GPLD1: variants seen among roughly 807,000 people sequenced by gnomAD.
GPLD1 encodes the protein phosphatidylinositol-glycan-specific phospholipase D.
GPLD1 carries 84 observed loss-of-function variants against 112.6 expected under a neutral mutation model. The observed-to-expected ratio is 0.75, with a 90% CI of 0.63 to 0.89. The LOEUF is 0.89. Ranked by LOEUF, GPLD1 falls within the 40% of genes least tolerant of loss-of-function variation. The pLI, the probability that GPLD1 is intolerant of heterozygous loss-of-function variation, is 0.00. For synonymous variants in GPLD1, 386 were observed against 403.8 expected, an observed-to-expected ratio of 0.96 and a Z score of 0.53; for missense variants, 1,044 against 1,051.5, an observed-to-expected ratio of 0.99 and a Z score of 0.10.
At chr6:24,472,960 G>T (rs1176695766) in intron 6 of GPLD1, 5 of 214,974 alleles carry the variant, frequency 2.3e-5, no homozygotes, top group Non-Finnish European at 4.7e-5. Flanking sequence ...ATTTTTAGTA[G>T]AGGTGGGGTT....
At chr6:24,465,454 C>T (rs1430107474) in intron 10 of GPLD1, among the ~76,000 whole-genome samples, 1 of 149,570 alleles carries the variant, frequency 6.7e-6, no homozygotes, top group African/African-American at 2.5e-5. Flanking sequence ...GCACAAGAAT[C>T]ACTTGAGCCC....
intron 10 of GPLD1, among the ~76,000 whole-genome samples, chr6:24,464,469 G>C (rs1049759780): frequency 9.9e-5 from 15 of 152,134 alleles, no homozygotes; most frequent in African/African-American, 3.1e-4. Flanking sequence ...TGCTATCCCT[G>C]CCAAATTGTT....
chr6:24,430,088 C>T (rs904783402), intron 24 of GPLD1, among the ~76,000 whole-genome samples: 2 of 152,208 alleles, frequency 1.3e-5, no homozygotes, highest in Non-Finnish European at 2.9e-5. Flanking sequence ...GGGTCAGACA[C>T]TATGCTTAGC....
In GPLD1 at chr6:24,489,456, T is replaced by A; in HGVS notation, c.56A>T (p.His19Leu). The change falls in exon 1 of 25, where the codon CAT becomes CTT. Residue 19 changes from histidine to leucine, a missense_variant. Coordinates refer to ENST00000230036, the MANE Select transcript of GPLD1 (RefSeq NM_001503.4). ...TGAAAGGCCACACGGTGAACCTCTA[T>A]GGCAGAGAGAACCCAACATGATCAG... is the stretch of plus-strand genomic sequence containing the variant. ...GLLIMLGSLC[H>L]RGSPCGLSTH... The A allele has an allele frequency of 6.2e-7, 1 of 1,613,994 alleles. No individual in the cohort carries two copies. Among genetic ancestry groups the A allele is most frequent in the Non-Finnish European group, 8.5e-7 (1 of 1,179,878 alleles).
chr6:24,456,472 C>A, intron 13 of GPLD1, 26 bp downstream of exon 13: 1 of 1,460,470 alleles, frequency 6.8e-7, no homozygotes, highest in Non-Finnish European at 9.4e-7. Context: ...AGAAAACATT[C>A]ACAAGTTAGA....
rs757355029 is a variant in GPLD1, at chr6:24,428,262, G to A, written c.*770C>T. On this transcript the variant is annotated 3_prime_UTR_variant, in exon 25 of 25. Transcript: ENST00000230036. ...AACTTTTTTTTAACTTTTAAGTTCA[G>A]GGGTACATGCGCAGGAAGTGCTGGT... is the stretch of plus-strand genomic sequence containing the variant. The A allele has an allele frequency of 4.8e-4, 73 of 151,334 alleles. No homozygotes were observed. The highest frequency in any genetic ancestry group is 1.9e-3 in the Admixed American group (29 of 15,170). The allele number at this position is 151,334 out of a possible 1,614,324, so 9.4% of individuals were successfully genotyped here.
At chr6:24,494,406 A>G (rs1258509252), upstream of GPLD1, among the ~76,000 whole-genome samples, 2 of 152,252 alleles carry the variant, frequency 1.3e-5, no homozygotes, top group African/African-American at 4.8e-5. Flanking sequence ...ATGCCTAGAC[A>G]CACACCCAAA....
At position 24,439,093 on chromosome 6, in the gene GPLD1, T is replaced by C. The variant is rs374517455; in HGVS notation, c.2021-1804A>G. On this transcript the variant is annotated intron_variant, in intron 20 of 24. Coordinates refer to ENST00000230036, the MANE Select transcript of GPLD1 (RefSeq NM_001503.4). ...CCACCAAGCCCAGCCACATTCCCTT[T>C]CTTTTCGTGCCTCCTAAAGGAACCA... Among the ~76,000 whole-genome samples the C allele has an allele frequency of 2.0e-4, 31 of 152,302 alleles. 2 individuals carry two copies. The highest frequency in any genetic ancestry group is 7.0e-4 in the African/African-American group (29 of 41,572).
chr6:24,442,079 T>C (rs548918450), intron 20 of GPLD1, among the ~76,000 whole-genome samples: 199 of 149,566 alleles, frequency 1.3e-3, no homozygotes, highest in Admixed American at 3.4e-3. Context: ...TAAATTAGCA[T>C]ATTATATACA....
chr6:24,442,962 C>T (rs890954546), intron 20 of GPLD1, among the ~76,000 whole-genome samples: 2 of 152,148 alleles, frequency 1.3e-5, no homozygotes, highest in Non-Finnish European at 2.9e-5. Flanking sequence ...GTTTGAGAAA[C>T]TCTAATTCAC....
At chr6:24,473,872 C>G (rs912277644) in intron 5 of GPLD1, among the ~76,000 whole-genome samples, 3 of 152,146 alleles carry the variant, frequency 2.0e-5, no homozygotes, top group Admixed American at 6.5e-5. Context: ...CGCCTGTAAT[C>G]CCAGCACTTT....
rs1205387393 is a variant in GPLD1, at chr6:24,486,147, C to T, written c.98-17G>A. Reference sequence around the variant, plus strand: ...CTCTGTGTCCTGAGAGAAATAAATACATAAATCAATTAAGTTCAACTATTA... The same window carrying T: ...CTCTGTGTCCTGAGAGAAATAAATATATAAATCAATTAAGTTCAACTATTA... On this transcript the variant is annotated splice_polypyrimidine_tract_variant and intron_variant, in intron 1 of 24. Coordinates refer to ENST00000230036, the MANE Select transcript of GPLD1 (RefSeq NM_001503.4). 1 of 1,473,152 alleles carries T rather than the reference C, an allele frequency of 6.8e-7. No individual in the cohort carries two copies. The highest frequency in any genetic ancestry group is 9.4e-7 in the Non-Finnish European group (1 of 1,061,022). The allele number at this position is 1,473,152 out of a possible 1,614,324, so 91.3% of individuals were successfully genotyped here.
At chr6:24,494,866 C>A in intron 1 of GPLD1, 1 of 1,080,278 alleles carries the variant, frequency 9.3e-7, no homozygotes, top group Non-Finnish European at 1.2e-6. Flanking sequence ...GCTCTGCAAC[C>A]TTCCGCCAGC....
At position 24,450,886 on chromosome 6, in the gene GPLD1, C is replaced by T. The variant is rs903865284; in HGVS notation, c.1336-987G>A. Among the ~76,000 whole-genome samples the T allele has an allele frequency of 4.6e-5, 7 of 151,990 alleles. No homozygotes were observed. In the East Asian group the frequency reaches 7.7e-4, roughly 17 times the overall value. ...ACTCAGGAGGCTGAGGCAGGAGAATCGCTTGAACCTGGGAGGCAGAGGTTG... is the reference window on the plus strand; with the variant it reads ...ACTCAGGAGGCTGAGGCAGGAGAATTGCTTGAACCTGGGAGGCAGAGGTTG... On this transcript the variant is annotated intron_variant, in intron 14 of 24. Transcript: ENST00000230036.
chr6:24,435,205 G>A (rs1041356126), intron 22 of GPLD1, among the ~76,000 whole-genome samples: 2 of 150,484 alleles, frequency 1.3e-5, no homozygotes, highest in Non-Finnish European at 3.0e-5. Context: ...TAGGGACAGG[G>A]TTTCACAGTG....
chr6:24,444,331 G>A (rs1043983310), intron 20 of GPLD1, among the ~76,000 whole-genome samples: 4 of 151,232 alleles, frequency 2.6e-5, no homozygotes, highest in Non-Finnish European at 5.9e-5. Flanking sequence ...TAAGATATAA[G>A]TAAAAAAATT....
intron 18 of GPLD1, among the ~76,000 whole-genome samples, chr6:24,446,425 G>A (rs1048478337): frequency 3.3e-5 from 5 of 151,972 alleles, no homozygotes; most frequent in East Asian, 1.9e-4. Context: ...GCAGGAGGAC[G>A]AGTTCGAGCC....
intron 24 of GPLD1, among the ~76,000 whole-genome samples, chr6:24,429,902 G>C (rs1384501686): frequency 6.6e-6 from 1 of 152,192 alleles, no homozygotes; most frequent in African/African-American, 2.4e-5. Context: ...GATTTGATTT[G>C]TGGAAACTGA....
intron 10 of GPLD1, among the ~76,000 whole-genome samples, chr6:24,463,681 C>CT (rs1248913171): frequency 6.6e-6 from 1 of 152,098 alleles, no homozygotes; most frequent in Admixed American, 6.6e-5. Context: ...TACTTCATTG[C>CT]TTTTTTAAGG....
Sources: gnomAD v4.1 joint callset for allele counts (sites outside exome capture counted in the v4.1 genomes callset) on GRCh38, gnomAD v4.1.1 for gene constraint, MANE v1.5 for transcripts, NCBI Gene and HGNC (gene_info 2026-07-23, HGNC 2026-07-21) for gene names.